NR6A1: variants seen among roughly 807,000 people sequenced by gnomAD.
NR6A1 encodes nuclear receptor subfamily 6 group A member 1.
In NR6A1, 7 loss-of-function variants were observed where a neutral mutation model predicts 59.1. The observed-to-expected ratio is 0.12, with a 90% CI of 0.07 to 0.22. The LOEUF (loss-of-function observed/expected upper bound fraction) is 0.22, where lower values mean the gene tolerates loss of function less well. NR6A1 is among the 10% of genes least tolerant of loss of function. The probability of loss-of-function intolerance (pLI) is 1.00; values close to 1 mark genes in which losing one functional copy is unlikely to be tolerated. For synonymous variants in NR6A1, 243 were observed against 236.1 expected, an observed-to-expected ratio of 1.03 and a Z score of -0.27; for missense variants, 468 against 611.6, an observed-to-expected ratio of 0.77 and a Z score of 2.48.
rs1840645757 is a variant in NR6A1 at position 124,756,854 on chromosome 9, GGT to G, written c.100+14164_100+14165del. Among the ~76,000 whole-genome samples, 3 of 152,094 alleles carry G rather than the reference GGT, an allele frequency of 2.0e-5. No homozygotes were observed. In the South Asian group the frequency reaches 6.2e-4, roughly 32 times the overall value. On this transcript the variant is annotated intron_variant, in intron 1 of 9. Coordinates refer to ENST00000487099, the MANE Select transcript of NR6A1 (RefSeq NM_033334.4). ...TAGAGGCAACCAGAGAAGGCTCTAG[GGT>G]GTCTCTGCCACCCATTCACCCATAT...
intron 2 of NR6A1, among the ~76,000 whole-genome samples, chr9:124,670,885 T>C (rs1286788725): frequency 6.6e-6 from 1 of 152,190 alleles, no homozygotes; most frequent in Non-Finnish European, 1.5e-5. Context: ...AGGAGACCAC[T>C]TGGGCCGTTG....
chr9:124,629,318 G>A (rs1329251556), intron 2 of NR6A1, among the ~76,000 whole-genome samples: 2 of 151,856 alleles, frequency 1.3e-5, no homozygotes, highest in Non-Finnish European at 2.9e-5. Context: ...AAGTGAGACT[G>A]TATTTTCCTG....
chr9:124,642,433 A>T (rs950746875), intron 2 of NR6A1, among the ~76,000 whole-genome samples: 4 of 152,094 alleles, frequency 2.6e-5, no homozygotes, highest in African/African-American at 9.7e-5. Context: ...TAACATATGA[A>T]ATGCTTAACA....
In NR6A1 at chr9:124,554,589, G is replaced by A; in HGVS notation, c.143-19C>T. 1 of 1,613,776 alleles carries A rather than the reference G, an allele frequency of 6.2e-7. No homozygotes were observed. The highest frequency in any genetic ancestry group is 8.5e-7 in the Non-Finnish European group (1 of 1,179,736). On this transcript the variant is annotated intron_variant, in intron 2 of 9. Transcript: ENST00000487099. ...ACAGAAACTGATCATGTTCAAGTTA[G>A]AACACAGTGGAAATAATGGCTTTAA...
At chr9:124,760,178 G>A (rs1194022217) in intron 1 of NR6A1, among the ~76,000 whole-genome samples, 2 of 151,950 alleles carry the variant, frequency 1.3e-5, no homozygotes, top group Non-Finnish European at 2.9e-5. Flanking sequence ...CAGGCATGGT[G>A]GCGGGCACCT....
intron 2 of NR6A1, among the ~76,000 whole-genome samples, chr9:124,665,183 CAAA>C (rs928587957): frequency 4.0e-5 from 5 of 125,024 alleles, no homozygotes; most frequent in Admixed American, 1.6e-4. Flanking sequence ...GAACCTTTCT[CAAA>C]AAAAAAAAAA....
At chr9:124,527,830 A>G (rs972730524) in intron 7 of NR6A1, among the ~76,000 whole-genome samples, 1 of 152,212 alleles carries the variant, frequency 6.6e-6, no homozygotes, top group African/African-American at 2.4e-5. Context: ...CAGGGGATTA[A>G]TGTTTTGGGT....
rs1485744639 is a variant in NR6A1, at chr9:124,522,652, G to C, written c.*53C>G. 2.1e-6 allele frequency: 3 copies of C among 1,455,928 alleles called. No homozygotes were observed. The highest frequency in any genetic ancestry group is 1.2e-5 in the South Asian group (1 of 81,484). The allele number at this position is 1,455,928 out of a possible 1,614,324, so 90.2% of individuals were successfully genotyped here. ...TCTCTGGCTTTTCCCTCCAGAGCCT[G>C]TCCTGCCCACCCAAGACGCTGTGGT... On this transcript the variant is annotated 3_prime_UTR_variant, in exon 10 of 10. Transcript: ENST00000487099.
chr9:124,656,818 G>A (rs1169889057), intron 2 of NR6A1, among the ~76,000 whole-genome samples: 1 of 152,122 alleles, frequency 6.6e-6, no homozygotes, highest in Non-Finnish European at 1.5e-5. Flanking sequence ...GGCAACAAGA[G>A]TAAAATTCCG....
At chr9:124,633,541 A>G (rs1362253937) in intron 2 of NR6A1, among the ~76,000 whole-genome samples, 1 of 152,180 alleles carries the variant, frequency 6.6e-6, no homozygotes, top group Non-Finnish European at 1.5e-5. Flanking sequence ...AAATTAAATC[A>G]AAAGTTGAAT....
chr9:124,592,057 C>T (rs577955938), intron 2 of NR6A1, among the ~76,000 whole-genome samples: 4 of 152,186 alleles, frequency 2.6e-5, no homozygotes, highest in South Asian at 2.1e-4. Context: ...TTGGTGGTCG[C>T]GGGGTGGGAG....
At chr9:124,638,962 A>G (rs1836696177) in intron 2 of NR6A1, among the ~76,000 whole-genome samples, 1 of 152,202 alleles carries the variant, frequency 6.6e-6, no homozygotes, top group African/African-American at 2.4e-5. Context: ...TGATTTTCTA[A>G]AAAGGGAGCT....
At chr9:124,660,901 AG>A (rs1047280744) in intron 2 of NR6A1, among the ~76,000 whole-genome samples, 3 of 152,304 alleles carry the variant, frequency 2.0e-5, no homozygotes, top group African/African-American at 7.2e-5. Flanking sequence ...ATAAAATGTC[AG>A]GAAAAAAATA....
chr9:124,695,978 C>T (rs1838744559), intron 2 of NR6A1, among the ~76,000 whole-genome samples: 1 of 151,990 alleles, frequency 6.6e-6, no homozygotes, highest in Non-Finnish European at 1.5e-5. Flanking sequence ...AGAAGGGAGA[C>T]AATTATGTAA....
At chr9:124,588,314 C>G (rs779593711) in intron 2 of NR6A1, among the ~76,000 whole-genome samples, 3 of 151,870 alleles carry the variant, frequency 2.0e-5, no homozygotes, top group Non-Finnish European at 2.9e-5. Flanking sequence ...GAACCTAGAT[C>G]TAGAATTTTT....
chr9:124,626,273 T>C (rs1224929944), intron 2 of NR6A1, among the ~76,000 whole-genome samples: 1 of 152,218 alleles, frequency 6.6e-6, no homozygotes, highest in African/African-American at 2.4e-5. Flanking sequence ...CCCAAAGTGC[T>C]GGGATTACAG....
chr9:124,564,536 A>G (rs535313982), intron 2 of NR6A1, among the ~76,000 whole-genome samples: 3 of 152,370 alleles, frequency 2.0e-5, no homozygotes, highest in South Asian at 4.1e-4. Flanking sequence ...AGAAACTGTA[A>G]TATACTTATT....
At chr9:124,534,106 C>T (rs1380069463) in intron 7 of NR6A1, among the ~76,000 whole-genome samples, 3 of 140,892 alleles carry the variant, frequency 2.1e-5, no homozygotes, top group Admixed American at 1.4e-4. Flanking sequence ...GAGTTTCGCT[C>T]TTGTCGCCCA....
intron 2 of NR6A1, among the ~76,000 whole-genome samples, chr9:124,662,828 A>C (rs1348564063): frequency 6.6e-6 from 1 of 152,202 alleles, no homozygotes; most frequent in Non-Finnish European, 1.5e-5. Context: ...GTTCAGTCTT[A>C]TACTTAGGGA....
Sources: allele counts gnomAD v4.1 joint callset (sites outside exome capture counted in the v4.1 genomes callset), GRCh38; gene constraint gnomAD v4.1.1; transcripts MANE v1.5; gene names NCBI Gene and HGNC (gene_info 2026-07-23, HGNC 2026-07-21).